The following RFC3 variants were observed in gnomAD, a reference collection of about 807,000 sequenced individuals.
RFC3 encodes replication factor C subunit 3, also known as A1 38 kDa subunit.
RFC3 carries 41 observed loss-of-function variants against 45.1 expected under a neutral mutation model. The ratio of observed to expected loss-of-function variants is 0.91; its 90% CI spans 0.71 to 1.18. The LOEUF (loss-of-function observed/expected upper bound fraction) is 1.18. RFC3 is among the 50% of genes most tolerant of loss of function. RFC3 has a pLI of 0.00. For missense variants in RFC3, 423 were observed against 428.1 expected, an observed-to-expected ratio of 0.99 and a Z score of 0.10; for synonymous variants, 149 against 144.0, an observed-to-expected ratio of 1.03 and a Z score of -0.25.
In RFC3 at chr13:33,835,197, C is replaced by A; in HGVS notation, c.859C>A (p.Pro287Thr). The A allele has an allele frequency of 6.2e-7, 1 of 1,609,412 alleles. No individual in the cohort carries two copies. Among genetic ancestry groups the A allele is most frequent in the Non-Finnish European group, 8.5e-7 (1 of 1,176,024 alleles). The change falls in exon 8 of 9, where the codon CCT becomes ACT. Residue 287 changes from proline to threonine, a missense_variant. Transcript: ENST00000380071. ...GTATGAGCTTCTAACTCATTGTATT[C>A]CTCCTGAGATAATAATGAAGGTAAC... is the stretch of plus-strand genomic sequence containing the variant. Reference protein sequence around the residue: ...RLYELLTHCIPPEIIMKGLLS... With the variant: ...RLYELLTHCITPEIIMKGLLS...
chr13:33,840,642 T>C (rs898279638), downstream of RFC3, among the ~76,000 whole-genome samples: 7 of 152,000 alleles, frequency 4.6e-5, no homozygotes, highest in African/African-American at 1.7e-4. Flanking sequence ...ACAATTACAG[T>C]TGATCCTTGA....
At chr13:33,905,800 A>C (rs2082668796) in intron 8 of RFC3, among the ~76,000 whole-genome samples, 1 of 152,120 alleles carries the variant, frequency 6.6e-6, no homozygotes, top group South Asian at 2.1e-4. Context: ...TAAAAAATAA[A>C]AACAACAACA....
At chr13:33,948,364 C>T (rs964712846) in intron 8 of RFC3, among the ~76,000 whole-genome samples, 6 of 152,304 alleles carry the variant, frequency 3.9e-5, no homozygotes, top group Non-Finnish European at 7.4e-5. Context: ...GCCTAGATTT[C>T]GGAGAATGTA....
At chr13:33,836,009 T>A (rs1406538791) in intron 8 of RFC3, 95 bp from the exon 9 acceptor site, 1 of 1,214,182 alleles carries the variant, frequency 8.2e-7, no homozygotes, top group Non-Finnish European at 1.1e-6. Context: ...ATAAAGAGAG[T>A]ATGTTTAACT....
At chr13:33,943,585 T>C (rs192600541) in intron 8 of RFC3, among the ~76,000 whole-genome samples, 13 of 152,250 alleles carry the variant, frequency 8.5e-5, no homozygotes, top group Non-Finnish European at 1.8e-4. Context: ...TGTTCAAATA[T>C]CACATGCACC....
chr13:33,908,486 T>C (rs1449579827), intron 8 of RFC3, among the ~76,000 whole-genome samples: 1 of 151,924 alleles, frequency 6.6e-6, no homozygotes, highest in Non-Finnish European at 1.5e-5. Flanking sequence ...CTCCACAAAA[T>C]TGGCTGGAGA....
At chr13:33,947,112 T>C (rs1203307598) in intron 8 of RFC3, among the ~76,000 whole-genome samples, 1 of 152,242 alleles carries the variant, frequency 6.6e-6, no homozygotes, top group Non-Finnish European at 1.5e-5. Context: ...TACATGTTGA[T>C]ATGGTTTGGC....
Position 33,939,277 on chromosome 13 carries a change from G to A in RFC3, c.880-26810G>A, listed in dbSNP as rs1404625448. On this transcript the variant is annotated intron_variant, in intron 8 of 8. Coordinates refer to the RFC3 transcript ENST00000434425. ...GTCTGTGCTAATGAGATGACTCAAG[G>A]TAGAAAGACCAAGTTGACATGAGAG... Among the ~76,000 whole-genome samples, 4 of 152,066 alleles carry A rather than the reference G, an allele frequency of 2.6e-5. No individual in the cohort carries two copies. The East Asian group carries it at 7.7e-4, about 29-fold the overall frequency.
intron 8 of RFC3, among the ~76,000 whole-genome samples, chr13:33,857,059 TC>T (rs1317546047): frequency 6.6e-6 from 1 of 152,198 alleles, no homozygotes; most frequent in African/African-American, 2.4e-5. Flanking sequence ...GAATTTTATT[TC>T]AAACTTTAGT....
At chr13:33,888,606 A>G (rs577911185) in intron 8 of RFC3, among the ~76,000 whole-genome samples, 2 of 152,344 alleles carry the variant, frequency 1.3e-5, no homozygotes, top group South Asian at 4.1e-4. Flanking sequence ...GTTAGTGACA[A>G]TGAAAGTTTT....
At chr13:33,956,220 GCA>G (rs1259585127) in intron 8 of RFC3, among the ~76,000 whole-genome samples, 1 of 152,118 alleles carries the variant, frequency 6.6e-6, no homozygotes, top group African/African-American at 2.4e-5. Context: ...TTCCTTTCTT[GCA>G]CTGAGGTTAA....
intron 8 of RFC3, among the ~76,000 whole-genome samples, chr13:33,931,064 A>G (rs888348238): frequency 1.3e-5 from 2 of 152,014 alleles, no homozygotes; most frequent in Non-Finnish European, 2.9e-5. Flanking sequence ...GATATGTAGG[A>G]CTTAGATGCT....
chr13:33,935,764 G>A (rs1201960489), intron 8 of RFC3, among the ~76,000 whole-genome samples: 2 of 152,176 alleles, frequency 1.3e-5, no homozygotes, highest in Non-Finnish European at 2.9e-5. Context: ...AGAGGACACA[G>A]CATTAGCATT....
At chr13:33,826,130 T>C (rs919332220) in intron 4 of RFC3, among the ~76,000 whole-genome samples, 4 of 152,196 alleles carry the variant, frequency 2.6e-5, no homozygotes, top group Admixed American at 6.5e-5. Context: ...ATAATTGTTC[T>C]TATGACCGAG....
At chr13:33,900,900 T>C (rs1366611031) in intron 8 of RFC3, among the ~76,000 whole-genome samples, 1 of 151,438 alleles carries the variant, frequency 6.6e-6, no homozygotes, top group Non-Finnish European at 1.5e-5. Context: ...ATTAGACTTG[T>C]CTCAGAAGAA....
intron 1 of RFC3, among the ~76,000 whole-genome samples, chr13:33,819,890 G>T (rs3135546): frequency 0.22 from 33,430 of 152,074 alleles, 5,716 homozygotes; most frequent in African/African-American, 0.45. Context: ...GATTGAAGTT[G>T]AAAAAACAAG....
intron 8 of RFC3, among the ~76,000 whole-genome samples, chr13:33,914,822 G>C (rs1392670606): frequency 1.3e-5 from 2 of 152,054 alleles, no homozygotes; most frequent in Non-Finnish European, 2.9e-5. Context: ...TAGTTTGCAA[G>C]AATTCACCAG....
intron 8 of RFC3, among the ~76,000 whole-genome samples, chr13:33,951,796 C>A (rs1329580215): frequency 6.6e-6 from 1 of 152,130 alleles, no homozygotes. Context: ...TAAGTGACTT[C>A]TATGTGATAA....
At chr13:33,923,053 A>G (rs59257480) in intron 8 of RFC3, among the ~76,000 whole-genome samples, 10,874 of 152,206 alleles carry the variant, frequency 0.071, 645 homozygotes, top group African/African-American at 0.16. Flanking sequence ...TAGGAAAAGT[A>G]GAGAAAGAGG....
Sources: gnomAD v4.1 joint callset for allele counts (sites outside exome capture counted in the v4.1 genomes callset) on GRCh38, gnomAD v4.1.1 for gene constraint, MANE v1.5 for transcripts, NCBI Gene and HGNC (gene_info 2026-07-23, HGNC 2026-07-21) for gene names.